The following PDE3A variants were observed in gnomAD, a reference collection of about 807,000 sequenced individuals.
PDE3A encodes the protein cGMP-inhibited 3',5'-cyclic phosphodiesterase 3A.
Under a neutral mutation model 98.3 loss-of-function variants are expected in PDE3A, and 43 were observed. The observed-to-expected ratio is 0.44, with a 90% CI of 0.34 to 0.56. The LOEUF (loss-of-function observed/expected upper bound fraction) is 0.56. Ranked by LOEUF, PDE3A falls within the 20% of genes least tolerant of loss-of-function variation. The pLI, the probability that PDE3A is intolerant of heterozygous loss-of-function variation, is 0.01. For synonymous variants in PDE3A, 663 were observed against 567.9 expected (o/e 1.17, Z -2.38); for missense variants, 1,427 against 1,440.7 (o/e 0.99, Z 0.15).
chr12:20,440,180 A>G (rs1435894143), intron 1 of PDE3A, among the ~76,000 whole-genome samples: 2 of 152,198 alleles, frequency 1.3e-5, no homozygotes, highest in African/African-American at 4.8e-5. Flanking sequence ...GTGGTGGGGT[A>G]TGAAAAAGTG....
rs186014656 is a variant in PDE3A at position 20,589,171 on chromosome 12, G to T, written c.1012-24272G>T. Among the ~76,000 whole-genome samples the T allele has an allele frequency of 1.5e-3, 227 of 152,130 alleles. 1 individual carries two copies. Among genetic ancestry groups the T allele is most frequent in the African/African-American group, 5.3e-3 (218 of 41,508 alleles). On this transcript the variant is annotated intron_variant, in intron 2 of 15. Transcript: ENST00000359062. ...GATCTCCTGACCTCTTGATCCACCT[G>T]CCTCGGCCTCCCAAAGTGCTGGGAT...
intron 1 of PDE3A, among the ~76,000 whole-genome samples, chr12:20,461,568 A>G (rs1281365887): frequency 2.0e-5 from 3 of 152,192 alleles, no homozygotes; most frequent in Admixed American, 2.0e-4. Context: ...TAAAGATATA[A>G]AACAGAACTA....
rs1393231463 is a variant in PDE3A at position 20,386,107 on chromosome 12, A to G, written c.960+15863A>G. ...AATATATAAATATATATAAATATAT[A>G]TATAAATATATATAAATATATATAA... On this transcript the variant is annotated intron_variant, in intron 1 of 15. Coordinates refer to ENST00000359062, the MANE Select transcript of PDE3A (RefSeq NM_000921.5). Among the ~76,000 whole-genome samples the G allele has an allele frequency of 2.7e-4, 8 of 29,914 alleles. No homozygotes were observed. The East Asian group carries it at 0.019, about 70-fold the overall frequency. 19.6% of individuals were successfully genotyped at this position (29,914 alleles called of 152,430 possible). A position where few individuals can be genotyped will look rare whatever the true frequency, so the allele number is the denominator to read the frequency against.
At chr12:20,461,032 G>T (rs996158497) in intron 1 of PDE3A, among the ~76,000 whole-genome samples, 1 of 151,998 alleles carries the variant, frequency 6.6e-6, no homozygotes, top group Non-Finnish European at 1.5e-5. Context: ...TGGTATAAAA[G>T]ATTGTTTTAC....
At chr12:20,413,735 C>T (rs1370168485) in intron 1 of PDE3A, among the ~76,000 whole-genome samples, 1 of 151,964 alleles carries the variant, frequency 6.6e-6, no homozygotes, top group Non-Finnish European at 1.5e-5. Flanking sequence ...TAGTCAAGGG[C>T]CTATTATGGT....
chr12:20,549,393 T>C (rs1185115919), intron 1 of PDE3A, among the ~76,000 whole-genome samples: 1 of 150,080 alleles, frequency 6.7e-6, no homozygotes, highest in East Asian at 1.9e-4. Flanking sequence ...TGCCTCTTTC[T>C]TTGCATTAAA....
chr12:20,594,017 G>T (rs1411061302), intron 2 of PDE3A, among the ~76,000 whole-genome samples: 1 of 152,136 alleles, frequency 6.6e-6, no homozygotes, highest in African/African-American at 2.4e-5. Flanking sequence ...TGGTGGTGAA[G>T]CAAGAAAAAG....
rs73241619 is a variant in PDE3A at position 20,470,701 on chromosome 12, G to A, written c.961-85959G>A. ...CTTGGAATTATGAATCTGTATGCAC[G>A]AATCTTGAATAAGCATCAAAATCTT... On this transcript the variant is annotated intron_variant, in intron 1 of 15. Coordinates refer to ENST00000359062, the MANE Select transcript of PDE3A (RefSeq NM_000921.5). Among the ~76,000 whole-genome samples the A allele has an allele frequency of 5.6e-3, 845 of 152,162 alleles. 6 individuals carry two copies. Among genetic ancestry groups the A allele is most frequent in the African/African-American group, 0.018 (762 of 41,514 alleles).
intron 1 of PDE3A, among the ~76,000 whole-genome samples, chr12:20,436,446 T>A (rs554024536): frequency 2.0e-5 from 3 of 152,254 alleles, no homozygotes; most frequent in African/African-American, 7.2e-5. Context: ...TTCAAAAATG[T>A]TTTTTTCCCA....
In PDE3A at chr12:20,402,369, G is replaced by A. The variant is rs182475144; in HGVS notation, c.960+32125G>A. On this transcript the variant is annotated intron_variant, in intron 1 of 15. Coordinates refer to ENST00000359062, the MANE Select transcript of PDE3A (RefSeq NM_000921.5). ...TTGCTATGTTGGCCAGACTGGTCTC[G>A]AACTCCTGGCCTCAGGTGATCCACC... Among the ~76,000 whole-genome samples, 34 of 151,964 alleles carry A rather than the reference G, an allele frequency of 2.2e-4. No individual in the cohort carries two copies. In the East Asian group the frequency reaches 4.9e-3, roughly 22 times the overall value.
chr12:20,387,544 CA>C (rs780756279), intron 1 of PDE3A, among the ~76,000 whole-genome samples: 25 of 151,940 alleles, frequency 1.6e-4, no homozygotes, highest in Non-Finnish European at 3.5e-4. Context: ...AATAGTCTGA[CA>C]AATCCCAATT....
chr12:20,582,897 A>AGTT (rs1943104825), intron 2 of PDE3A, among the ~76,000 whole-genome samples: 1 of 152,238 alleles, frequency 6.6e-6, no homozygotes, highest in South Asian at 2.1e-4. Context: ...AGGGAAAAAT[A>AGTT]GTTAATTTTA....
chr12:20,503,345 G>C (rs184039194), intron 1 of PDE3A, among the ~76,000 whole-genome samples: 1 of 151,808 alleles, frequency 6.6e-6, no homozygotes, highest in East Asian at 1.9e-4. Context: ...ACTTTAACAG[G>C]TATTCCATAG....
intron 2 of PDE3A, among the ~76,000 whole-genome samples, chr12:20,584,825 G>C (rs1312558428): frequency 2.6e-5 from 4 of 151,954 alleles, no homozygotes. Context: ...TTATGTCCTT[G>C]CTTTCCTTCC....
chr12:20,563,648 A>AGTTTGG lies in PDE3A; in HGVS notation c.1011+6939_1011+6944dup, dbSNP rs567972129. ...TAACTTTTGGCAACTCTCCAAAGAC[A>AGTTTGG]GTTTGGTTTTGGGGTTTTTCGTTTG... On this transcript the variant is annotated intron_variant, in intron 2 of 15. Coordinates refer to ENST00000359062, the MANE Select transcript of PDE3A (RefSeq NM_000921.5). Among the ~76,000 whole-genome samples, 52 of 152,242 alleles carry AGTTTGG rather than the reference A, an allele frequency of 3.4e-4. 1 individual carries two copies. The highest frequency in any genetic ancestry group is 2.0e-3 in the Admixed American group (31 of 15,294).
intron 2 of PDE3A, among the ~76,000 whole-genome samples, chr12:20,557,674 G>A (rs1381691638): frequency 6.6e-6 from 1 of 152,094 alleles, no homozygotes; most frequent in South Asian, 2.1e-4. Flanking sequence ...CTTAATTCCG[G>A]TCACTAGGAA....
In PDE3A at chr12:20,594,157, C is replaced by T. The variant is rs576864412; in HGVS notation, c.1012-19286C>T. Among the ~76,000 whole-genome samples the T allele has an allele frequency of 1.3e-3, 198 of 151,422 alleles. 1 individual carries two copies. The highest frequency in any genetic ancestry group is 1.8e-3 in the Non-Finnish European group (125 of 67,884). ...TTATAATTTTTTAAAAAATGGTTAG[C>T]TCCTTAGAGATGGGGTCAAAGACCC... On this transcript the variant is annotated intron_variant, in intron 2 of 15. Transcript: ENST00000359062.
At chr12:20,402,883 C>T (rs933182440) in intron 1 of PDE3A, among the ~76,000 whole-genome samples, 2 of 152,012 alleles carry the variant, frequency 1.3e-5, no homozygotes, top group African/African-American at 4.8e-5. Context: ...TATAATGGGT[C>T]TGCTTGGGTA....
At chr12:20,570,274 G>A (rs1323615076) in intron 2 of PDE3A, among the ~76,000 whole-genome samples, 2 of 151,794 alleles carry the variant, frequency 1.3e-5, no homozygotes, top group Admixed American at 1.3e-4. Context: ...TGAATGTGAT[G>A]GTGCATACCT....
Sources: allele counts gnomAD v4.1 joint callset (sites outside exome capture counted in the v4.1 genomes callset), GRCh38; gene constraint gnomAD v4.1.1; transcripts MANE v1.5; gene names NCBI Gene and HGNC (gene_info 2026-07-23, HGNC 2026-07-21).